The following VPS13B variants were observed in gnomAD, a reference collection of about 807,000 sequenced individuals.
VPS13B encodes the protein intermembrane lipid transfer protein VPS13B.
VPS13B carries 285 observed loss-of-function variants against 426.4 expected under a neutral mutation model. The ratio of observed to expected loss-of-function variants is 0.67; its 90% CI spans 0.61 to 0.74. The LOEUF (loss-of-function observed/expected upper bound fraction) is 0.74. Among genes scored for constraint, VPS13B ranks in the 30% least tolerant of loss-of-function variants. VPS13B has a pLI of 0.00. For missense variants in VPS13B, 4,537 were observed against 4,782.6 expected, an observed-to-expected ratio of 0.95 and a Z score of 1.51; for synonymous variants, 1,676 against 1,676.4, an observed-to-expected ratio of 1.00 and a Z score of 0.01.
At chr8:99,597,028 T>C (rs1827055618) in intron 33 of VPS13B, among the ~76,000 whole-genome samples, 2 of 152,072 alleles carry the variant, frequency 1.3e-5, no homozygotes, top group African/African-American at 4.8e-5. Context: ...TCATATAATA[T>C]GTCAGAAATA....
At chr8:99,566,576 G>A (rs972660440) in intron 31 of VPS13B, among the ~76,000 whole-genome samples, 2 of 152,026 alleles carry the variant, frequency 1.3e-5, no homozygotes, top group African/African-American at 4.8e-5. Context: ...CTGAGTAGCT[G>A]GAATTACAGG....
At chr8:99,046,584 T>C (rs896657533) in intron 3 of VPS13B, among the ~76,000 whole-genome samples, 1 of 152,076 alleles carries the variant, frequency 6.6e-6, no homozygotes, top group African/African-American at 2.4e-5. Context: ...TCCAGTACTG[T>C]TTAAGAGGAG....
chr8:99,467,631 C>A lies in VPS13B; in HGVS notation c.3663C>A (p.Pro1221=). 1.2e-6 allele frequency: 2 copies of A among 1,608,006 alleles called. No individual in the cohort carries two copies. Among genetic ancestry groups the A allele is most frequent in the Non-Finnish European group, 1.7e-6 (2 of 1,179,362 alleles). The change falls in exon 24 of 62, where the codon CCC becomes CCA. Residue 1221 remains proline, a synonymous_variant. Coordinates refer to ENST00000357162, the MANE Select transcript of VPS13B (RefSeq NM_152564.5). ...CACTAGAGATAAAATGCTCTAATCCCCAGGTTGGTACATTTGATTTATGAA... is the reference window on the plus strand; with the variant it reads ...CACTAGAGATAAAATGCTCTAATCCACAGGTTGGTACATTTGATTTATGAA... ...LESLEIKCSN[P]QVQLFYELTD... is the part of the protein sequence containing the mutation.
chr8:99,472,019 G>A (rs1819437222), intron 24 of VPS13B, among the ~76,000 whole-genome samples: 1 of 152,084 alleles, frequency 6.6e-6, no homozygotes, highest in African/African-American at 2.4e-5. Flanking sequence ...CATACAAACA[G>A]TCAGCATAAA....
chr8:99,492,837 C>A (rs1458936899), intron 25 of VPS13B, among the ~76,000 whole-genome samples: 1 of 152,122 alleles, frequency 6.6e-6, no homozygotes, highest in Non-Finnish European at 1.5e-5. Flanking sequence ...TGAGGAGACA[C>A]CCCAGCATGC....
intron 2 of VPS13B, among the ~76,000 whole-genome samples, chr8:99,034,222 A>C (rs1420408605): frequency 6.6e-6 from 1 of 152,176 alleles, no homozygotes; most frequent in Admixed American, 6.5e-5. Flanking sequence ...TTCTCTGCTC[A>C]TTAAAACAAA....
chr8:99,475,230 G>GA (rs1261702927), intron 24 of VPS13B, among the ~76,000 whole-genome samples: 1 of 152,160 alleles, frequency 6.6e-6, no homozygotes, highest in Non-Finnish European at 1.5e-5. Context: ...GGGGTGATAG[G>GA]AAGAGGACAT....
At chr8:99,460,571 A>G (rs915073357) in intron 23 of VPS13B, among the ~76,000 whole-genome samples, 5 of 152,192 alleles carry the variant, frequency 3.3e-5, no homozygotes, top group East Asian at 1.9e-4. Context: ...CTTTCTGTAC[A>G]TTGGAGTTAA....
chr8:99,480,164 CCTA>C (rs1350949033), intron 24 of VPS13B, among the ~76,000 whole-genome samples: 1 of 152,122 alleles, frequency 6.6e-6, no homozygotes, highest in African/African-American at 2.4e-5. Context: ...GAACATTTAT[CCTA>C]CATGTTTTTG....
intron 3 of VPS13B, among the ~76,000 whole-genome samples, chr8:99,068,161 C>G (rs925852176): frequency 6.6e-6 from 1 of 152,036 alleles, no homozygotes. Context: ...TTTCTTAACC[C>G]TTTAGTCTTT....
chr8:99,700,026 G>A, intron 36 of VPS13B, 94 bp downstream of exon 36: 3 of 1,466,774 alleles, frequency 2.0e-6, no homozygotes, highest in Non-Finnish European at 1.8e-6. Context: ...ATATTATGTA[G>A]AAGTTAAAAG....
intron 31 of VPS13B, among the ~76,000 whole-genome samples, chr8:99,571,541 A>G (rs1372411709): frequency 6.6e-6 from 1 of 152,174 alleles, no homozygotes; most frequent in East Asian, 1.9e-4. Context: ...TTAATTTATC[A>G]CATGATGGAG....
chr8:99,111,463 G>A (rs1325756715), intron 6 of VPS13B, among the ~76,000 whole-genome samples, 184 bp downstream of exon 6: 1 of 151,324 alleles, frequency 6.6e-6, no homozygotes, highest in Admixed American at 6.6e-5. Context: ...TCTGTATAAC[G>A]TATTCTACTA....
rs201889340 is a variant in VPS13B at position 99,796,347 on chromosome 8, A to AT, written c.7941+11884dup. On this transcript the variant is annotated intron_variant, in intron 43 of 61. Coordinates refer to ENST00000357162, the MANE Select transcript of VPS13B (RefSeq NM_152564.5). The stretch of plus-strand genomic sequence containing the variant: ...GACGAAGTGGTGATGATGAGCATGA[A>AT]TTTTTTTTTTTTTGTCTTAATTATG... Among the ~76,000 whole-genome samples, 646 of 146,358 alleles carry AT rather than the reference A, an allele frequency of 4.4e-3. 9 individuals carry two copies. Among genetic ancestry groups the AT allele is most frequent in the East Asian group, 0.032 (158 of 5,006 alleles).
At chr8:99,702,856 T>G (rs1172234148) in intron 36 of VPS13B, among the ~76,000 whole-genome samples, 2 of 152,152 alleles carry the variant, frequency 1.3e-5, no homozygotes. Flanking sequence ...TGAGTTTTAA[T>G]TTAGGAGCCG....
At chr8:99,702,596 TG>T (rs1832329298) in intron 36 of VPS13B, among the ~76,000 whole-genome samples, 1 of 152,178 alleles carries the variant, frequency 6.6e-6, no homozygotes, top group African/African-American at 2.4e-5. Flanking sequence ...AACTCCCCAA[TG>T]AGAGAACACA....
intron 43 of VPS13B, among the ~76,000 whole-genome samples, chr8:99,804,751 G>A (rs754697248): frequency 2.0e-5 from 3 of 152,090 alleles, no homozygotes; most frequent in Non-Finnish European, 2.9e-5. Context: ...TAGCACTTTG[G>A]GAGGCCAAGG....
chr8:99,546,027 T>G (rs1823953596), intron 30 of VPS13B, among the ~76,000 whole-genome samples: 2 of 152,076 alleles, frequency 1.3e-5, no homozygotes, highest in South Asian at 4.1e-4. Context: ...TTAAGAGATT[T>G]TATGGACTGT....
chr8:99,309,595 T>A (rs1820839151), intron 19 of VPS13B, among the ~76,000 whole-genome samples: 1 of 152,210 alleles, frequency 6.6e-6, no homozygotes, highest in Non-Finnish European at 1.5e-5. Flanking sequence ...CCTTCTAGTA[T>A]AGTTTGTAGT....
Sources: allele counts gnomAD v4.1 joint callset (sites outside exome capture counted in the v4.1 genomes callset), GRCh38; gene constraint gnomAD v4.1.1; transcripts MANE v1.5; gene names NCBI Gene and HGNC (gene_info 2026-07-23, HGNC 2026-07-21).